Variants in PSMB2 observed in about 807,000 individuals in gnomAD.
The protein encoded by PSMB2 is proteasome 20S subunit beta 2.
A neutral mutation model predicts 25.7 loss-of-function variants in PSMB2; 13 were observed. The ratio of observed to expected loss-of-function variants is 0.51; its 90% confidence interval spans 0.33 to 0.80. The LOEUF is 0.80. PSMB2 is among the 30% of genes least tolerant of loss of function. The pLI is 0.02. For missense variants in PSMB2, 202 were observed against 259.0 expected, an observed-to-expected ratio of 0.78 and a Z score of 1.51; for synonymous variants, 87 against 96.2, an observed-to-expected ratio of 0.90 and a Z score of 0.56.
At chr1:35,630,805 A>G (rs1439174488) in intron 3 of PSMB2, among the ~76,000 whole-genome samples, 2 of 152,252 alleles carry the variant, frequency 1.3e-5, no homozygotes, top group Non-Finnish European at 2.9e-5. Flanking sequence ...CATCCACAAC[A>G]GCAAAAGTAA....
chr1:35,599,969 CAAA>C lies in PSMB2; in HGVS notation c.*3295_*3297del. The C allele has an allele frequency of 1.4e-6, 1 of 710,796 alleles. No individual in the cohort carries two copies. The highest frequency in any genetic ancestry group is 1.7e-6 in the Non-Finnish European group (1 of 579,616). The allele number at this position is 710,796 out of a possible 1,614,324, so 44.0% of individuals were successfully genotyped here. On this transcript the variant is annotated 3_prime_UTR_variant, in exon 6 of 6. Coordinates refer to ENST00000373237, the MANE Select transcript of PSMB2 (RefSeq NM_002794.5). ...GCAACATGGCGAGACCCTGTCTCTA[CAAA>C]AAATTTTGACAAAATTAGCTGGGTG...
intron 3 of PSMB2, among the ~76,000 whole-genome samples, chr1:35,617,754 A>G (rs1231116850): frequency 6.6e-6 from 1 of 152,184 alleles, no homozygotes; most frequent in African/African-American, 2.4e-5. Flanking sequence ...GGACACATAC[A>G]CCTGGAGAAT....
At chr1:35,640,826 A>G (rs972659440) in intron 1 of PSMB2, among the ~76,000 whole-genome samples, 2 of 152,102 alleles carry the variant, frequency 1.3e-5, no homozygotes, top group Non-Finnish European at 1.5e-5. Context: ...CCTTTAGGCA[A>G]CTCTCACCAA....
intron 3 of PSMB2, among the ~76,000 whole-genome samples, chr1:35,610,015 G>C (rs916011597): frequency 6.6e-6 from 1 of 152,122 alleles, no homozygotes; most frequent in African/African-American, 2.4e-5. Flanking sequence ...TGAAACCAAC[G>C]AACAATTCTG....
At position 35,631,319 on chromosome 1, in the gene PSMB2, T is replaced by A. The variant is rs935243340; in HGVS notation, c.240A>T (p.Ala80=). The A allele has an allele frequency of 6.2e-7, 1 of 1,614,060 alleles. No individual in the cohort carries two copies. Among genetic ancestry groups the A allele is most frequent in the African/African-American group, 1.3e-5 (1 of 74,938 alleles). Residue 80 remains alanine, a synonymous_variant, in exon 3 of 6, where the codon GCA becomes GCT. Coordinates refer to ENST00000373237, the MANE Select transcript of PSMB2 (RefSeq NM_002794.5). ...CCAGGTTTCGGCGTGTGAAGTTAGCTGCTGCCGTGGGAGACAATTCATATC... is the reference window on the plus strand; with the variant it reads ...CCAGGTTTCGGCGTGTGAAGTTAGCAGCTGCCGTGGGAGACAATTCATATC... The part of the protein sequence containing the change: ...RNGYELSPTA[A]ANFTRRNLAD...
In PSMB2 at chr1:35,609,312, G is replaced by A. The variant is rs1448075085; in HGVS notation, c.382C>T (p.Pro128Ser). ...GCACCATAGCCGTGGGCTGCAAAAG[G>A]GGCCTTGGCCAAGGCTGCCAGGTAG... ...MDYLAALAKA[P>S]FAAHGYGAFL... Residue 128 changes from proline (P) to serine (S), a missense_variant, in exon 4 of 6, where the codon CCT becomes TCT. Transcript: ENST00000373237. 5.0e-6 allele frequency: 8 copies of A among 1,613,310 alleles called. No individual in the cohort carries two copies. The highest frequency in any genetic ancestry group is 6.8e-6 in the Non-Finnish European group (8 of 1,179,698).
chr1:35,611,849 G>GAA lies in PSMB2; in HGVS notation c.286-2442_286-2441insTT, dbSNP rs71704388. Among the ~76,000 whole-genome samples, 5 of 151,662 alleles carry GAA rather than the reference G, an allele frequency of 3.3e-5. No individual in the cohort carries two copies. In the East Asian group the frequency reaches 9.7e-4, roughly 30 times the overall value. ...CTCCAAAAAAAAAAGGAGAGAGAGAGAGAGAGAGATGGGGTCTCACTATGT... is the reference window on the plus strand; with the variant it reads ...CTCCAAAAAAAAAAGGAGAGAGAGAGAAAGAGAGAGATGGGGTCTCACTATGT... On this transcript the variant is annotated intron_variant, in intron 3 of 5. Coordinates refer to ENST00000373237, the MANE Select transcript of PSMB2 (RefSeq NM_002794.5).
chr1:35,615,065 T>C (rs1650453869), intron 3 of PSMB2, among the ~76,000 whole-genome samples: 2 of 152,232 alleles, frequency 1.3e-5, no homozygotes, highest in Admixed American at 1.3e-4. Flanking sequence ...CCTGATATAT[T>C]GTAATAATGC....
At chr1:35,622,708 CCTT>C (rs1163129004) in intron 3 of PSMB2, among the ~76,000 whole-genome samples, 2 of 151,400 alleles carry the variant, frequency 1.3e-5, no homozygotes, top group Non-Finnish European at 2.9e-5. Flanking sequence ...GAAAGCAACA[CCTT>C]CTCACATACA....
At chr1:35,605,338 C>A in intron 4 of PSMB2, 56 bp from the exon 5 acceptor site, 1 of 1,545,414 alleles carries the variant, frequency 6.5e-7, no homozygotes, top group South Asian at 1.1e-5. Context: ...ATCCAACTCT[C>A]AGAAGCTTTT....
At chr1:35,639,748 C>T (rs1030062251) in intron 1 of PSMB2, among the ~76,000 whole-genome samples, 1 of 152,176 alleles carries the variant, frequency 6.6e-6, no homozygotes, top group Admixed American at 6.5e-5. Flanking sequence ...GTTAAAATCA[C>T]TTGCTTGTCA....
intron 3 of PSMB2, among the ~76,000 whole-genome samples, chr1:35,615,148 A>G (rs1265377175): frequency 1.3e-5 from 2 of 152,244 alleles, no homozygotes; most frequent in Non-Finnish European, 2.9e-5. Flanking sequence ...ATTTGACTAG[A>G]TAGTAAGATC....
intron 3 of PSMB2, among the ~76,000 whole-genome samples, chr1:35,622,810 TA>T (rs113355309): frequency 0.042 from 5,628 of 132,872 alleles, 257 homozygotes; most frequent in African/African-American, 0.12. Context: ...ACAGCACATT[TA>T]AAAAAAAAAA....
At chr1:35,620,355 C>T (rs76711559) in intron 3 of PSMB2, among the ~76,000 whole-genome samples, 3,081 of 152,228 alleles carry the variant, frequency 0.02, 90 homozygotes, top group East Asian at 0.062. Context: ...AACTGACATG[C>T]AGGCCCCTCA....
intron 1 of PSMB2, among the ~76,000 whole-genome samples, chr1:35,637,672 A>G (rs1213934186): frequency 6.6e-6 from 1 of 152,226 alleles, no homozygotes; most frequent in African/African-American, 2.4e-5. Context: ...ATACTTTACA[A>G]GTGTTTCAGA....
Position 35,610,716 on chromosome 1 carries a change from G to A in PSMB2, c.286-1308C>T, listed in dbSNP as rs377580196. ...TCATCATGTTGGCCAGGTTGGTCTC[G>A]AACTCCTGACCTCGTGATCCGCCCG... On this transcript the variant is annotated intron_variant, in intron 3 of 5. Transcript: ENST00000373237. Among the ~76,000 whole-genome samples, 504 of 152,184 alleles carry A rather than the reference G, an allele frequency of 3.3e-3. 2 individuals carry two copies. The highest frequency in any genetic ancestry group is 4.6e-3 in the Non-Finnish European group (310 of 67,982).
intron 3 of PSMB2, among the ~76,000 whole-genome samples, chr1:35,615,211 A>G (rs1310445810): frequency 6.6e-6 from 1 of 152,234 alleles, no homozygotes; most frequent in Non-Finnish European, 1.5e-5. Flanking sequence ...GTTGGTTACT[A>G]AAAGATCAAA....
At chr1:35,635,273 A>ATT (rs1281281920) in intron 2 of PSMB2, among the ~76,000 whole-genome samples, 2 of 136,986 alleles carry the variant, frequency 1.5e-5, no homozygotes, top group Non-Finnish European at 1.5e-5. Flanking sequence ...AAAAAAAAAA[A>ATT]TTTTTTTTTT....
At chr1:35,616,036 T>C (rs1650482527) in intron 3 of PSMB2, among the ~76,000 whole-genome samples, 1 of 152,198 alleles carries the variant, frequency 6.6e-6, no homozygotes, top group South Asian at 2.1e-4. Context: ...GAGGATTTCA[T>C]GAAAATGCAA....
Sources: allele counts gnomAD v4.1 joint callset (sites outside exome capture counted in the v4.1 genomes callset), GRCh38; gene constraint gnomAD v4.1.1; transcripts MANE v1.5; gene names NCBI Gene and HGNC (gene_info 2026-07-23, HGNC 2026-07-21).